CHST8: variants seen among roughly 807,000 people sequenced by gnomAD.
CHST8 encodes GALNAC-4-ST1.
Under a neutral mutation model 15.0 loss-of-function variants are expected in CHST8, and 10 were observed. The ratio of observed to expected loss-of-function variants is 0.67; its 90% CI spans 0.41 to 1.13. The LOEUF (loss-of-function observed/expected upper bound fraction) is 1.13. Ranked by LOEUF, CHST8 falls within the 50% of genes most tolerant of loss-of-function variation. CHST8 has a pLI of 0.00. For synonymous variants in CHST8, 259 were observed against 256.6 expected, an observed-to-expected ratio of 1.01 and a Z score of -0.09; for missense variants, 634 against 608.2, an observed-to-expected ratio of 1.04 and a Z score of -0.45.
At chr19:33,648,497 T>A (rs2145207483) in intron 1 of CHST8, among the ~76,000 whole-genome samples, 1 of 152,324 alleles carries the variant, frequency 6.6e-6, no homozygotes, top group South Asian at 2.1e-4. Context: ...CGTGGTCTTT[T>A]TTTCCGCTTA....
intron 3 of CHST8, among the ~76,000 whole-genome samples, chr19:33,696,312 T>C (rs1177369242): frequency 6.6e-6 from 1 of 152,004 alleles, no homozygotes; most frequent in Non-Finnish European, 1.5e-5. Context: ...TTTGGTTTTT[T>C]AAGGCAGGGG....
intron 3 of CHST8, among the ~76,000 whole-genome samples, chr19:33,761,352 CAG>C (rs1974724933): frequency 6.6e-6 from 1 of 151,204 alleles, no homozygotes; most frequent in Admixed American, 6.6e-5. Context: ...TTTTCTGAGA[CAG>C]AGTCTCACTC....
intron 1 of CHST8, among the ~76,000 whole-genome samples, chr19:33,639,051 C>T (rs1972242553): frequency 7.0e-6 from 1 of 143,008 alleles, no homozygotes; most frequent in Non-Finnish European, 1.5e-5. Context: ...ACAGGAGCCT[C>T]TCTCCAGTCC....
intron 2 of CHST8, among the ~76,000 whole-genome samples, chr19:33,682,645 TA>T (rs1972909901): frequency 6.6e-6 from 1 of 152,246 alleles, no homozygotes; most frequent in South Asian, 2.1e-4. Context: ...CAAGTGGAAT[TA>T]TACAGTATTT....
intron 1 of CHST8, among the ~76,000 whole-genome samples, chr19:33,657,419 C>T (rs960793624): frequency 6.6e-6 from 1 of 152,042 alleles, no homozygotes; most frequent in African/African-American, 2.4e-5. Flanking sequence ...CAGGCACACA[C>T]CACCACGCCT....
At chr19:33,758,125 T>TGGTGG (rs955541866) in intron 3 of CHST8, among the ~76,000 whole-genome samples, 1 of 67,406 alleles carries the variant, frequency 1.5e-5, no homozygotes, top group African/African-American at 6.0e-5. Flanking sequence ...TGTTCTGTTC[T>TGGTGG]GGTGGGGTGG....
intron 3 of CHST8, among the ~76,000 whole-genome samples, chr19:33,767,068 G>A (rs1974862010): frequency 6.6e-6 from 1 of 152,096 alleles, no homozygotes; most frequent in African/African-American, 2.4e-5. Flanking sequence ...GATGGGAGTG[G>A]CGGGACACTA....
At chr19:33,692,712 A>G (rs1432556230) in intron 3 of CHST8, among the ~76,000 whole-genome samples, 1 of 152,144 alleles carries the variant, frequency 6.6e-6, no homozygotes, top group Admixed American at 6.5e-5. Context: ...ACAACAAAAA[A>G]TTCCCAATGT....
chr19:33,761,144 G>A (rs546732608), intron 3 of CHST8, among the ~76,000 whole-genome samples: 17 of 152,334 alleles, frequency 1.1e-4, no homozygotes, highest in East Asian at 3.9e-4. Flanking sequence ...CACGCAGTTC[G>A]TTCTTTCCCA....
chr19:33,628,476 T>TGAATTTC (rs1972085005), intron 1 of CHST8, among the ~76,000 whole-genome samples: 1 of 152,206 alleles, frequency 6.6e-6, no homozygotes, highest in Admixed American at 6.5e-5. Context: ...CAGACATTGG[T>TGAATTTC]CTGGTCCATC....
intron 3 of CHST8, among the ~76,000 whole-genome samples, chr19:33,720,712 G>T (rs1358004994): frequency 6.6e-6 from 1 of 152,270 alleles, no homozygotes; most frequent in Non-Finnish European, 1.5e-5. Flanking sequence ...GGACACAGGA[G>T]GCAGGGAGCT....
At chr19:33,690,878 C>T (rs1458658296) in intron 3 of CHST8, among the ~76,000 whole-genome samples, 19 of 152,218 alleles carry the variant, frequency 1.2e-4, no homozygotes, top group Admixed American at 1.2e-3. Context: ...CATAGAAGCA[C>T]AGTCAGGAAG....
chr19:33,648,189 CT>C lies in CHST8; in HGVS notation c.-163-19577del, dbSNP rs548767987. 3.0e-4 allele frequency among the ~76,000 whole-genome samples: 46 copies of C among 151,268 alleles called. 1 individual carries two copies. In the South Asian group the frequency reaches 9.4e-3, roughly 31 times the overall value. On this transcript the variant is annotated intron_variant, in intron 1 of 4. Transcript: ENST00000650847. ...ATGGTCACTAGGGTCTGGAAGTCCT[CT>C]CTCTCTCTCTCCTCTGTGTTTCTCT...
chr19:33,757,474 GAAAGAAAGAAAGAAA>G (rs1974594150), intron 3 of CHST8, among the ~76,000 whole-genome samples: 1 of 41,788 alleles, frequency 2.4e-5, no homozygotes, highest in Non-Finnish European at 4.9e-5. Context: ...AAGAAAGAAA[GAAAGAAAGAAAGAAA>G]GAAAGAAAGA....
intron 3 of CHST8, among the ~76,000 whole-genome samples, chr19:33,740,412 T>A (rs1322884754): frequency 6.6e-6 from 1 of 152,220 alleles, no homozygotes; most frequent in Non-Finnish European, 1.5e-5. Context: ...GGTTTCCCTG[T>A]GGCCGTGCAG....
At chr19:33,625,962 G>T (rs2145430938) in intron 1 of CHST8, among the ~76,000 whole-genome samples, 1 of 152,288 alleles carries the variant, frequency 6.6e-6, no homozygotes, top group South Asian at 2.1e-4. Flanking sequence ...CAATCTGCAT[G>T]GTGACAGCGT....
At chr19:33,755,974 G>A (rs1005482841) in intron 3 of CHST8, among the ~76,000 whole-genome samples, 30 of 152,250 alleles carry the variant, frequency 2.0e-4, no homozygotes, top group African/African-American at 6.5e-4. Flanking sequence ...CAGGGACCTC[G>A]GGCACTGTCT....
At chr19:33,750,782 G>A (rs376903013) in intron 3 of CHST8, among the ~76,000 whole-genome samples, 1 of 152,182 alleles carries the variant, frequency 6.6e-6, no homozygotes, top group African/African-American at 2.4e-5. Context: ...GGAAGAGGCA[G>A]TGGTGGGCCC....
At chr19:33,710,863 A>G (rs1398462760) in intron 3 of CHST8, among the ~76,000 whole-genome samples, 4 of 144,768 alleles carry the variant, frequency 2.8e-5, no homozygotes, top group Admixed American at 2.8e-4. Flanking sequence ...CTTTTGGTCA[A>G]TTTCTGGAGT....
Sources: gnomAD v4.1 joint callset for allele counts (sites outside exome capture counted in the v4.1 genomes callset) on GRCh38, gnomAD v4.1.1 for gene constraint, MANE v1.5 for transcripts, NCBI Gene and HGNC (gene_info 2026-07-23, HGNC 2026-07-21) for gene names.